Variants in CNTN5 observed in about 807,000 individuals in gnomAD.
The protein encoded by CNTN5 is contactin-5.
Under a neutral mutation model 129.1 loss-of-function variants are expected in CNTN5, and 77 were observed. The ratio of observed to expected loss-of-function variants is 0.60; its 90% CI spans 0.50 to 0.72. CNTN5 has a LOEUF of 0.72. Ranked by LOEUF, CNTN5 falls within the 30% of genes least tolerant of loss-of-function variation. The pLI is 0.00. For synonymous variants in CNTN5, 509 were observed against 465.6 expected (o/e 1.09, Z -1.20); for missense variants, 1,478 against 1,328.8 (o/e 1.11, Z -1.75).
intron 3 of CNTN5, among the ~76,000 whole-genome samples, chr11:99,694,081 G>A (rs977200017): frequency 6.6e-6 from 1 of 151,842 alleles, no homozygotes; most frequent in Admixed American, 6.6e-5. Flanking sequence ...TAAGTACTTT[G>A]ATGTTGTTGG....
chr11:99,192,221 A>C (rs1858680493), intron 1 of CNTN5, among the ~76,000 whole-genome samples: 1 of 151,828 alleles, frequency 6.6e-6, no homozygotes, highest in Non-Finnish European at 1.5e-5. Flanking sequence ...AGAAATACAA[A>C]TAATTGTAAG....
chr11:99,482,235 A>G (rs1466036932), intron 2 of CNTN5, among the ~76,000 whole-genome samples: 1 of 152,220 alleles, frequency 6.6e-6, no homozygotes, highest in Non-Finnish European at 1.5e-5. Context: ...TATGTAACCA[A>G]ACAAGTTAGG....
At chr11:99,861,860 A>C (rs1264820494) in intron 6 of CNTN5, among the ~76,000 whole-genome samples, 2 of 152,194 alleles carry the variant, frequency 1.3e-5, no homozygotes, top group African/African-American at 4.8e-5. Context: ...CTAGCATCAA[A>C]AATTTATACC....
chr11:99,589,364 A>G (rs1286199919), intron 3 of CNTN5, among the ~76,000 whole-genome samples: 1 of 152,226 alleles, frequency 6.6e-6, no homozygotes, highest in Non-Finnish European at 1.5e-5. Flanking sequence ...TTCAACATAT[A>G]ATTCAATAAG....
chr11:99,431,206 A>C (rs1943355198), intron 2 of CNTN5, among the ~76,000 whole-genome samples: 1 of 152,164 alleles, frequency 6.6e-6, no homozygotes, highest in Admixed American at 6.6e-5. Flanking sequence ...GGAGAAATTA[A>C]GACCAGCTTG....
chr11:99,971,537 G>A (rs112706443), intron 8 of CNTN5, among the ~76,000 whole-genome samples: 9,659 of 151,206 alleles, frequency 0.064, 431 homozygotes, highest in Non-Finnish European at 0.1. Context: ...GTGACACTCC[G>A]TCACACACAT....
chr11:99,831,237 T>C (rs771887584), intron 4 of CNTN5, among the ~76,000 whole-genome samples: 2 of 152,184 alleles, frequency 1.3e-5, no homozygotes, highest in Non-Finnish European at 2.9e-5. Flanking sequence ...TAATAATCCA[T>C]GCTTCAGGAT....
chr11:100,129,935 A>T (rs774733811), intron 13 of CNTN5, among the ~76,000 whole-genome samples: 100 of 152,080 alleles, frequency 6.6e-4, no homozygotes, highest in Non-Finnish European at 5.7e-4. Context: ...AAAAAAAATC[A>T]CCATCACTAG....
chr11:99,556,792 T>A (rs900653416), intron 3 of CNTN5, among the ~76,000 whole-genome samples: 1 of 150,844 alleles, frequency 6.6e-6, no homozygotes, highest in African/African-American at 2.4e-5. Context: ...CAATGTATTT[T>A]TTCAGATTGT....
At chr11:99,340,535 C>T (rs1001895910) in intron 2 of CNTN5, among the ~76,000 whole-genome samples, 2 of 152,106 alleles carry the variant, frequency 1.3e-5, no homozygotes, top group Admixed American at 1.3e-4. Flanking sequence ...AATGAAAAGC[C>T]ATGACAAAAG....
intron 2 of CNTN5, among the ~76,000 whole-genome samples, 199 bp downstream of exon 2, chr11:99,325,683 A>G (rs1360094444): frequency 1.3e-5 from 2 of 152,222 alleles, no homozygotes; most frequent in Non-Finnish European, 2.9e-5. Context: ...AATGCTCTAT[A>G]AATATTCTGC....
intron 1 of CNTN5, among the ~76,000 whole-genome samples, chr11:99,234,508 A>T (rs1861167541): frequency 6.6e-6 from 1 of 151,002 alleles, no homozygotes; most frequent in African/African-American, 2.5e-5. Flanking sequence ...AATTTCACCC[A>T]TAATCTGATA....
At chr11:99,504,242 A>G (rs1946530886) in intron 2 of CNTN5, among the ~76,000 whole-genome samples, 1 of 152,162 alleles carries the variant, frequency 6.6e-6, no homozygotes, top group Non-Finnish European at 1.5e-5. Flanking sequence ...CTCTTATATG[A>G]TCCAAAAGAA....
At chr11:99,608,420 C>T (rs1950495590) in intron 3 of CNTN5, among the ~76,000 whole-genome samples, 1 of 152,096 alleles carries the variant, frequency 6.6e-6, no homozygotes, top group Non-Finnish European at 1.5e-5. Context: ...CAATGTTGAC[C>T]TTCTAACCTC....
intron 16 of CNTN5, among the ~76,000 whole-genome samples, chr11:100,232,763 C>A (rs536391026): frequency 1.2e-3 from 180 of 152,218 alleles, no homozygotes; most frequent in Admixed American, 2.3e-3. Context: ...AAAAACACAT[C>A]TTTTTACAGC....
chr11:100,215,213 C>A (rs997825770), intron 15 of CNTN5, among the ~76,000 whole-genome samples: 1 of 152,142 alleles, frequency 6.6e-6, no homozygotes, highest in Admixed American at 6.5e-5. Flanking sequence ...TTACATTCCC[C>A]AGAATAGATG....
chr11:100,097,086 T>G (rs75721536), intron 13 of CNTN5, among the ~76,000 whole-genome samples: 2,762 of 152,246 alleles, frequency 0.018, 76 homozygotes, highest in African/African-American at 0.062. Context: ...GATGAAATAT[T>G]TTCCATTAAC....
intron 2 of CNTN5, among the ~76,000 whole-genome samples, chr11:99,340,630 G>A (rs774131463): frequency 2.6e-5 from 4 of 152,140 alleles, no homozygotes; most frequent in Non-Finnish European, 5.9e-5. Context: ...TTGCAATGGC[G>A]TAGAAGTTAT....
At chr11:99,717,411 T>C (rs1466797290) in intron 3 of CNTN5, among the ~76,000 whole-genome samples, 4 of 152,078 alleles carry the variant, frequency 2.6e-5, no homozygotes, top group Non-Finnish European at 5.9e-5. Flanking sequence ...AGGGAAGTTA[T>C]TGCTAGGAGT....
Sources: gnomAD v4.1 joint callset for allele counts (sites outside exome capture counted in the v4.1 genomes callset) on GRCh38, gnomAD v4.1.1 for gene constraint, MANE v1.5 for transcripts, NCBI Gene and HGNC (gene_info 2026-07-23, HGNC 2026-07-21) for gene names.